Variants in IGSF10 observed in about 807,000 individuals in gnomAD.
IGSF10 encodes the protein immunoglobulin superfamily member 10.
A neutral mutation model predicts 128.2 loss-of-function variants in IGSF10; 126 were observed. The observed-to-expected ratio is 0.98, with a 90% CI of 0.85 to 1.14. The LOEUF (loss-of-function observed/expected upper bound fraction) is 1.14, where lower values mean the gene tolerates loss of function less well. Ranked by LOEUF, IGSF10 falls within the 50% of genes most tolerant of loss-of-function variation. The pLI is 0.00. For synonymous variants in IGSF10, 1,185 were observed against 1,146.2 expected, an observed-to-expected ratio of 1.03 and a Z score of -0.68; for missense variants, 3,295 against 3,149.8, an observed-to-expected ratio of 1.05 and a Z score of -1.10.
the IGSF10 span, among the ~76,000 whole-genome samples, chr3:151,512,693 T>TC: frequency 3.8e-3 from 581 of 151,710 alleles, 2 homozygotes; most frequent in African/African-American, 0.013. Flanking sequence ...TTTTGAAAGA[T>TC]CAACAAAATT....
chr3:151,494,816 A>G, the IGSF10 span, among the ~76,000 whole-genome samples: 1 of 152,162 alleles, frequency 6.6e-6, no homozygotes, highest in Non-Finnish European at 1.5e-5. Flanking sequence ...CTGGCAAAAC[A>G]AGATAATCAG....
chr3:151,484,791 T>C, the IGSF10 span, among the ~76,000 whole-genome samples: 16 of 147,250 alleles, frequency 1.1e-4, no homozygotes, highest in Admixed American at 8.8e-4. Flanking sequence ...GGAGACCACA[T>C]CCAAAGGTCT....
the IGSF10 span, among the ~76,000 whole-genome samples, chr3:151,576,220 T>A: frequency 6.6e-5 from 10 of 151,912 alleles, no homozygotes; most frequent in Non-Finnish European, 1.0e-4. Context: ...TTTAAATATA[T>A]TAGCACCATT....
At chr3:151,581,957 T>G in the IGSF10 span, among the ~76,000 whole-genome samples, 487 of 152,140 alleles carry the variant, frequency 3.2e-3, 3 homozygotes, top group African/African-American at 0.011. Context: ...TCCCAGCTAC[T>G]TTGGAGGCTG....
chr3:151,617,039 G>A, the IGSF10 span, among the ~76,000 whole-genome samples: 1 of 152,118 alleles, frequency 6.6e-6, no homozygotes, highest in Non-Finnish European at 1.5e-5. Flanking sequence ...GCTGGAAATG[G>A]AGTCAAAGGA....
In IGSF10 at chr3:151,446,209, T is replaced by A. The variant is rs1405431340; in HGVS notation, c.3772A>T (p.Ser1258Cys). The A allele has an allele frequency of 1.2e-6, 2 of 1,613,718 alleles. No individual in the cohort carries two copies. Among genetic ancestry groups the A allele is most frequent in the Non-Finnish European group, 1.7e-6 (2 of 1,179,654 alleles). ...GTATTAGATGGAATTTGCATCACAC[T>A]TGTTGAAAGTGTGGTGAAATGGAAA... is the stretch of plus-strand genomic sequence containing the variant. ...SPFHFTTLST[S>C]VMQIPSNTLT... The change falls in exon 6 of 8, where the codon AGT (serine) becomes TGT (cysteine). Residue 1258 changes from serine to cysteine, a missense_variant. Transcript: ENST00000282466.
the IGSF10 span, among the ~76,000 whole-genome samples, chr3:151,519,002 A>G: frequency 6.6e-6 from 1 of 151,982 alleles, no homozygotes; most frequent in South Asian, 2.1e-4. Context: ...GTGCATTGGG[A>G]CTTTACACTT....
chr3:151,461,040 G>T lies in IGSF10; in HGVS notation c.-183C>A. On this transcript the variant is annotated 5_prime_UTR_variant, in exon 1 of 8. Transcript: ENST00000282466. The stretch of plus-strand genomic sequence containing the variant: ...TGCTGGGGTCGTGCGGAGCTGGTCC[G>T]GAGCTCTGGGAGGGAAGGAAGGAAG... 1.0e-6 allele frequency: 1 copy of T among 985,394 alleles called. No homozygotes were observed. Among genetic ancestry groups the T allele is most frequent in the East Asian group, 1.1e-4 (1 of 8,798 alleles). 61.0% of individuals were successfully genotyped at this position (985,394 alleles called of 1,614,324 possible).
the IGSF10 span, among the ~76,000 whole-genome samples, chr3:151,570,170 T>G: frequency 6.6e-6 from 1 of 152,228 alleles, no homozygotes; most frequent in African/African-American, 2.4e-5. Flanking sequence ...GTCTTTGCTA[T>G]TGTGAATAGT....
chr3:151,519,637 A>G, the IGSF10 span, among the ~76,000 whole-genome samples: 2 of 151,728 alleles, frequency 1.3e-5, no homozygotes, highest in Non-Finnish European at 2.9e-5. Flanking sequence ...AATGATAACT[A>G]ATAGACATCA....
At chr3:151,525,077 G>A in the IGSF10 span, among the ~76,000 whole-genome samples, 1 of 112,732 alleles carries the variant, frequency 8.9e-6, no homozygotes, top group Non-Finnish European at 1.6e-5. Context: ...CCCAGCTGAA[G>A]TGAAGTGGCA....
chr3:151,516,465 A>G, the IGSF10 span, among the ~76,000 whole-genome samples: 1 of 152,046 alleles, frequency 6.6e-6, no homozygotes, highest in Non-Finnish European at 1.5e-5. Flanking sequence ...AGCCAGCCTT[A>G]TATGTGGATA....
chr3:151,576,593 T>A, the IGSF10 span, among the ~76,000 whole-genome samples: 2 of 152,202 alleles, frequency 1.3e-5, no homozygotes, highest in African/African-American at 4.8e-5. Context: ...AAGACCCTGC[T>A]GATAAAACGA....
At chr3:151,506,405 C>T in the IGSF10 span, among the ~76,000 whole-genome samples, 1 of 152,186 alleles carries the variant, frequency 6.6e-6, no homozygotes, top group Non-Finnish European at 1.5e-5. Flanking sequence ...CCCTGTTAAA[C>T]TCAAATACAC....
chr3:151,541,427 G>T, the IGSF10 span, among the ~76,000 whole-genome samples: 2 of 152,100 alleles, frequency 1.3e-5, no homozygotes, highest in African/African-American at 4.8e-5. Context: ...GCACACTAAA[G>T]TTCTTTGTTT....
rs375035374 is a variant in IGSF10 at position 151,443,392 on chromosome 3, A to G, written c.5555T>C (p.Ile1852Thr). 1.9e-6 allele frequency: 3 copies of G among 1,614,086 alleles called. No individual in the cohort carries two copies. The highest frequency in any genetic ancestry group is 2.7e-5 in the African/African-American group (2 of 74,922). ...PVILEQRRQV[I>T]VGTWGESLKL... ...TAAACTTTCACCCCAAGTGCCTACA[A>G]TGACTTGCCTCCTTTGCTCTAGAAT... The change falls in exon 7 of 8, where the codon ATT (isoleucine) becomes ACT (threonine). Residue 1852 changes from isoleucine to threonine, a missense_variant. By Grantham distance (89) the Ile-to-Thr change is moderately conservative (BLOSUM62 -1). Transcript: ENST00000282466.
rs1720950895 is a variant in IGSF10 at position 151,443,035 on chromosome 3, G to A, written c.5912C>T (p.Pro1971Leu). ...LNCSATGEPK[P>L]QIMWRLPSKA... ...GGATGGTAACCTCCACATTATTTGG[G>A]GTTTGGGCTCCCCAGTGGCTGAGCA... Residue 1971 changes from proline (P) to leucine (L), a missense_variant, in exon 7 of 8, where the codon CCC (proline) becomes CTC (leucine). Transcript: ENST00000282466. The A allele has an allele frequency of 1.2e-6, 2 of 1,614,044 alleles. No homozygotes were observed. The highest frequency in any genetic ancestry group is 2.7e-5 in the African/African-American group (2 of 74,920).
chr3:151,576,787 A>G, the IGSF10 span, among the ~76,000 whole-genome samples: 1 of 152,190 alleles, frequency 6.6e-6, no homozygotes, highest in South Asian at 2.1e-4. Flanking sequence ...ATGGTCTAAA[A>G]GAGGAGAGGC....
At chr3:151,449,868 G>C (rs1222562068) in intron 5 of IGSF10, among the ~76,000 whole-genome samples, 1 of 152,166 alleles carries the variant, frequency 6.6e-6, no homozygotes, top group Non-Finnish European at 1.5e-5. Flanking sequence ...GAAGAAGGTA[G>C]AACCAATCAA....
Sources: allele counts gnomAD v4.1 joint callset (sites outside exome capture counted in the v4.1 genomes callset), GRCh38; gene constraint gnomAD v4.1.1; transcripts MANE v1.5; gene names NCBI Gene and HGNC (gene_info 2026-07-23, HGNC 2026-07-21).